SLC12A6: variants seen among roughly 807,000 people sequenced by gnomAD.
The protein encoded by SLC12A6 is K-Cl cotransporter 3.
SLC12A6 carries 66 observed loss-of-function variants against 135.3 expected under a neutral mutation model. The ratio of observed to expected loss-of-function variants is 0.49; its 90% CI spans 0.40 to 0.60. SLC12A6 has a LOEUF of 0.60. Among genes scored for constraint, SLC12A6 ranks in the 20% least tolerant of loss-of-function variants. The pLI is 0.00. For synonymous variants in SLC12A6, 513 were observed against 508.8 expected (o/e 1.01, Z -0.11); for missense variants, 1,058 against 1,452.3 (o/e 0.73, Z 4.41).
intron 2 of SLC12A6, among the ~76,000 whole-genome samples, chr15:34,276,309 G>A (rs1243799163): frequency 6.6e-6 from 1 of 152,048 alleles, no homozygotes; most frequent in Non-Finnish European, 1.5e-5. Context: ...CATAAATAAA[G>A]CACTTATTAC....
intron 2 of SLC12A6, among the ~76,000 whole-genome samples, chr15:34,297,951 C>T (rs1176197510): frequency 6.6e-6 from 1 of 152,100 alleles, no homozygotes; most frequent in Non-Finnish European, 1.5e-5. Context: ...TAATAGACCA[C>T]GGCGGTCTGT....
rs147470937 is a variant in SLC12A6, at chr15:34,292,587, C to CT, written c.272-17199dup. Among the ~76,000 whole-genome samples the CT allele has an allele frequency of 6.2e-3, 949 of 152,322 alleles. 10 individuals carry two copies. The highest frequency in any genetic ancestry group is 0.022 in the African/African-American group (913 of 41,574). On this transcript the variant is annotated intron_variant, in intron 2 of 25. Coordinates refer to ENST00000354181, the MANE Select transcript of SLC12A6 (RefSeq NM_001365088.1). ...CTGCTGCCTTTTGTTCAGATATGCC[C>CT]TGCCCCCAGAGGTGGAATCTAGAGA...
rs1890928533 is a variant in SLC12A6, at chr15:34,231,487, G to GA, written c.*2393dup. On this transcript the variant is annotated 3_prime_UTR_variant, in exon 26 of 26. Transcript: ENST00000354181. ...CTTCTACCATCTGTAGGAAGTAACA[G>GA]AAAAAAAGACTTAAGATCCTATCCG... is the stretch of plus-strand genomic sequence containing the variant. The GA allele has an allele frequency of 6.6e-6, 1 of 151,744 alleles. No homozygotes were observed. The highest frequency in any genetic ancestry group is 1.5e-5 in the Non-Finnish European group (1 of 67,956). 9.4% of individuals were successfully genotyped at this position (151,744 alleles called of 1,614,324 possible).
chr15:34,275,303 G>A (rs372050395), intron 3 of SLC12A6, 42 bp downstream of exon 3: 50 of 999,940 alleles, frequency 5.0e-5, no homozygotes, highest in Admixed American at 1.5e-4. Flanking sequence ...AATGAGTTAA[G>A]GGTGACTTTG....
In SLC12A6 at chr15:34,250,360, C is replaced by G. The variant is rs1892302691; in HGVS notation, c.1592-5G>C. On this transcript the variant is annotated splice_polypyrimidine_tract_variant and splice_region_variant and intron_variant, in intron 12 of 25. Coordinates refer to ENST00000354181, the MANE Select transcript of SLC12A6 (RefSeq NM_001365088.1). ...AAAGGACAACATTGCTTAAATCTAC[C>G]ATATTGAGAGTCAAGGAAACTGTTG... 2.5e-6 allele frequency: 4 copies of G among 1,575,470 alleles called. No individual in the cohort carries two copies. Among genetic ancestry groups the G allele is most frequent in the Non-Finnish European group, 2.6e-6 (3 of 1,144,606 alleles).
chr15:34,276,924 T>C (rs1894335858), intron 2 of SLC12A6, among the ~76,000 whole-genome samples: 1 of 152,202 alleles, frequency 6.6e-6, no homozygotes, highest in Non-Finnish European at 1.5e-5. Flanking sequence ...ACACTATATA[T>C]TTTAATTAAG....
At chr15:34,272,905 C>G (rs1255920928) in intron 3 of SLC12A6, among the ~76,000 whole-genome samples, 1 of 152,158 alleles carries the variant, frequency 6.6e-6, no homozygotes. Context: ...GTATCAGGGA[C>G]AGAAACACTT....
Position 34,336,658 on chromosome 15 carries a change from G to A in SLC12A6, c.23C>T (p.Thr8Ile), listed in dbSNP as rs532035592. The change falls in exon 2 of 26, where the codon ACC becomes ATC. Residue 8 changes from threonine (T) to isoleucine (I), a missense_variant. Thr to Ile is a moderately conservative substitution (Grantham distance 89, BLOSUM62 -1). Around this residue, in one of 6 missense-constraint regions of SLC12A6, gnomAD observed 176 missense variants for 168.9 expected, o/e 1.04. Coordinates refer to ENST00000354181, the MANE Select transcript of SLC12A6 (RefSeq NM_001365088.1). ...CATGAACCGAACTGAAGCCATCTTG[G>A]TGGTGGTTTCTGGAGGATGCATTTT... The part of the protein sequence containing the change: MHPPETT[T>I]KMASVRFMVT... 74 of 1,613,978 alleles carry A rather than the reference G, an allele frequency of 4.6e-5. No homozygotes were observed. The South Asian group carries it at 7.7e-4, about 17-fold the overall frequency.
chr15:34,235,431 A>ATTTTTTTTTTTTTTTT (rs371322623), intron 24 of SLC12A6, 117 bp from the exon 25 acceptor site: 6 of 503,428 alleles, frequency 1.2e-5, no homozygotes, highest in Admixed American at 3.4e-5. Context: ...TGATAAAATG[A>ATTTTTTTTTTTTTTTT]TTTTTTTTTT....
chr15:34,262,221 T>TCC (rs755673268), intron 3 of SLC12A6, among the ~76,000 whole-genome samples: 1 of 152,166 alleles, frequency 6.6e-6, no homozygotes, highest in African/African-American at 2.4e-5. Context: ...TATCTACCCT[T>TCC]CCCTAATTGG....
chr15:34,254,504 T>C lies in SLC12A6; in HGVS notation c.962A>G (p.Tyr321Cys). ...SAAMLNNMRV[Y>C]GTAFLVLMVL... The stretch of plus-strand genomic sequence containing the variant: ...CATAAGGACCAAGAAAGCTGTGCCG[T>C]AGACACGCATGTTATTTAGCATGGC... The change falls in exon 9 of 26, where the codon TAC becomes TGC. Residue 321 changes from tyrosine to cysteine, a missense_variant. Transcript: ENST00000354181. 6.2e-7 allele frequency: 1 copy of C among 1,613,338 alleles called. No individual in the cohort carries two copies. Among genetic ancestry groups the C allele is most frequent in the Non-Finnish European group, 8.5e-7 (1 of 1,179,272 alleles).
chr15:34,289,778 T>C (rs1566843208), intron 2 of SLC12A6, among the ~76,000 whole-genome samples: 1 of 152,228 alleles, frequency 6.6e-6, no homozygotes, highest in Non-Finnish European at 1.5e-5. Context: ...GAGGTGTTTA[T>C]AGTATTCTCT....
intron 25 of SLC12A6, 61 bp from the exon 26 acceptor site, chr15:34,234,033 C>T: frequency 2.3e-6 from 2 of 854,348 alleles, no homozygotes; most frequent in Non-Finnish European, 4.1e-6. Context: ...CTGGCATCAT[C>T]ATAATCTGAG....
At chr15:34,237,075 C>T in intron 22 of SLC12A6, 1 of 503,712 alleles carries the variant, frequency 2.0e-6, no homozygotes, top group East Asian at 3.8e-5. Flanking sequence ...ACTCCAGTCT[C>T]TCTTTTTTAT....
intron 15 of SLC12A6, 34 bp downstream of exon 15, chr15:34,245,251 G>T: frequency 9.0e-7 from 1 of 1,108,070 alleles, no homozygotes; most frequent in Non-Finnish European, 1.4e-6. Context: ...TATCATTTAA[G>T]CAAGAATAAC....
chr15:34,269,302 A>T (rs1893744993), intron 3 of SLC12A6, among the ~76,000 whole-genome samples: 1 of 150,208 alleles, frequency 6.7e-6, no homozygotes, highest in Admixed American at 6.6e-5. Context: ...TTCATGGCAT[A>T]TTTTTTTTTT....
At position 34,235,253 on chromosome 15, in the gene SLC12A6, T is replaced by C; in HGVS notation, c.3289A>G (p.Lys1097Glu). 1 of 1,613,282 alleles carries C rather than the reference T, an allele frequency of 6.2e-7. No individual in the cohort carries two copies. ...AAAACCAGCTTTGCTTCATGGGACT[T>C]GTTAACTATAACCTCGTTGAGTTTC... ...AVKLNEVIVN[K>E]SHEAKLVLLN... is the part of the protein sequence containing the mutation. The change falls in exon 25 of 26, where the codon AAG (lysine) becomes GAG (glutamate). Residue 1097 changes from lysine (K) to glutamate (E), a missense_variant. This residue lies in a region of SLC12A6 where 245 missense variants were observed against 440.8 expected (regional missense o/e 0.56). Transcript: ENST00000354181.
chr15:34,260,304 G>A (rs988565906), intron 4 of SLC12A6, among the ~76,000 whole-genome samples: 2 of 152,202 alleles, frequency 1.3e-5, no homozygotes, highest in African/African-American at 4.8e-5. Flanking sequence ...TGTCGCCCAG[G>A]CTGGAGTGCA....
At chr15:34,236,959 T>C in intron 22 of SLC12A6, 144 bp from the exon 23 acceptor site, 2 of 677,128 alleles carry the variant, frequency 3.0e-6, no homozygotes, top group African/African-American at 1.8e-5. Flanking sequence ...TGTTTAGTCA[T>C]TGAGCTACAT....
Sources: allele counts gnomAD v4.1 joint callset (sites outside exome capture counted in the v4.1 genomes callset), GRCh38; gene constraint gnomAD v4.1.1; regional missense constraint gnomAD v4.1.1; transcripts MANE v1.5; gene names NCBI Gene and HGNC (gene_info 2026-07-23, HGNC 2026-07-21).